The following RPS6KA2 variants were observed in gnomAD, a reference collection of about 807,000 sequenced individuals.
RPS6KA2 encodes ribosomal protein S6 kinase A2.
A neutral mutation model predicts 91.8 loss-of-function variants in RPS6KA2; 42 were observed. The ratio of observed to expected loss-of-function variants is 0.46; its 90% CI spans 0.36 to 0.59. The LOEUF (loss-of-function observed/expected upper bound fraction) is 0.59, where lower values mean the gene tolerates loss of function less well. Ranked by LOEUF, RPS6KA2 falls within the 20% of genes least tolerant of loss-of-function variation. RPS6KA2 has a pLI of 0.00. For missense variants in RPS6KA2, 798 were observed against 978.5 expected (o/e 0.82, Z 2.46); for synonymous variants, 414 against 393.6 (o/e 1.05, Z -0.61).
Position 166,627,207 on chromosome 6 carries a change from G to T in RPS6KA2, c.-188C>A. ...GGCCGCGCCGGCCACCGCGGCCGGG[G>T]CCACAATCGCTCCCTCCGCCTCCTT... is the stretch of plus-strand genomic sequence containing the variant. On this transcript the variant is annotated 5_prime_UTR_variant, in exon 1 of 21. Coordinates refer to ENST00000265678, the MANE Select transcript of RPS6KA2 (RefSeq NM_021135.6). The T allele has an allele frequency of 9.6e-7, 1 of 1,037,178 alleles. No homozygotes were observed. Among genetic ancestry groups the T allele is most frequent in the Non-Finnish European group, 1.2e-6 (1 of 864,896 alleles). The allele number at this position is 1,037,178 out of a possible 1,614,324, so 64.2% of individuals were successfully genotyped here.
At position 166,429,088 on chromosome 6, in the gene RPS6KA2, A is replaced by G. The variant is rs936819052; in HGVS notation, c.1581+1365T>C. 8.1e-4 allele frequency among the ~76,000 whole-genome samples: 123 copies of G among 152,194 alleles called. 1 individual carries two copies. The highest frequency in any genetic ancestry group is 2.8e-3 in the African/African-American group (116 of 41,558). The stretch of plus-strand genomic sequence containing the variant: ...TAAGAAAATGTGGCACATGTACACC[A>G]TGGAATACTATGCAGCCATAAAAAA... On this transcript the variant is annotated intron_variant, in intron 16 of 20. Coordinates refer to ENST00000265678, the MANE Select transcript of RPS6KA2 (RefSeq NM_021135.6).
In RPS6KA2 at chr6:166,412,606, C is replaced by G; in HGVS notation, c.*156G>C. The G allele has an allele frequency of 1.4e-6, 1 of 728,292 alleles. No individual in the cohort carries two copies. The highest frequency in any genetic ancestry group is 2.9e-5 in the East Asian group (1 of 34,150). The allele number at this position is 728,292 out of a possible 1,614,324, so 45.1% of individuals were successfully genotyped here. A position where few individuals can be genotyped will look rare whatever the true frequency, so the allele number is the denominator to read the frequency against. On this transcript the variant is annotated 3_prime_UTR_variant, in exon 21 of 21. Coordinates refer to ENST00000265678, the MANE Select transcript of RPS6KA2 (RefSeq NM_021135.6). This position sits in a 1 kb window ranked among gnomAD's most constrained non-coding sequence, Gnocchi z 4.3. ...GGAGAAGCCCCCAGGTCAGGACCCT[C>G]TCCGGGGCTGAAAAAGAAAACACGG...
rs1784408191 is a variant in RPS6KA2, at chr6:166,563,596, G to T, written c.100-24812C>A. On this transcript the variant is annotated intron_variant, in intron 1 of 20. Transcript: ENST00000265678. This position sits in a 1 kb window ranked among gnomAD's most constrained non-coding sequence, Gnocchi z 4.1. ...ACCCGCCCTCTCCCCTCCACACAGG[G>T]TAGCCCCCAACTCCAGCCAGAGGGA... Among the ~76,000 whole-genome samples the T allele has an allele frequency of 6.6e-6, 1 of 151,994 alleles. No individual in the cohort carries two copies. The highest frequency in any genetic ancestry group is 2.1e-4 in the South Asian group (1 of 4,812).
At chr6:166,573,693 G>A (rs916964809) in intron 1 of RPS6KA2, among the ~76,000 whole-genome samples, 6 of 152,230 alleles carry the variant, frequency 3.9e-5, no homozygotes, top group Admixed American at 2.0e-4. Flanking sequence ...GGTCGTGACC[G>A]TAAACACCGA....
chr6:166,714,968 C>T (rs1387512549), intron 2 of RPS6KA2, among the ~76,000 whole-genome samples: 1 of 152,256 alleles, frequency 6.6e-6, no homozygotes, highest in Admixed American at 6.5e-5. Context: ...GGCACCCTCC[C>T]TTCCCGTCCG....
chr6:166,489,384 C>T (rs922855248), intron 9 of RPS6KA2, among the ~76,000 whole-genome samples: 3 of 152,150 alleles, frequency 2.0e-5, no homozygotes, highest in East Asian at 1.9e-4. Context: ...ACCCTGTGCT[C>T]GGTCTGTTGC....
chr6:166,768,349 A>T (rs1778375616), intron 2 of RPS6KA2, among the ~76,000 whole-genome samples: 1 of 152,220 alleles, frequency 6.6e-6, no homozygotes, highest in African/African-American at 2.4e-5. Context: ...AAGAGGACAT[A>T]CAATTAGCTG....
At position 166,508,277 on chromosome 6, in the gene RPS6KA2, GA is replaced by G; in HGVS notation, c.384del (p.Gln129ArgfsTer8). On this transcript the variant is annotated frameshift_variant, in exon 5 of 21. Transcript: ENST00000265678. LOFTEE classifies it high-confidence loss of function. The surrounding 1 kb of genome is among the most constrained non-coding windows in gnomAD (Gnocchi z 4.3). ...ATCAGGTAGAGCTTTCCTTCCGTCT[GA>G]AAGGCTGTGGGGGACAGAGACCCGC... is the stretch of plus-strand genomic sequence containing the variant. ...HPFIVKLHYA[F>X]QTEGKLYLIL... 1 of 1,610,978 alleles carries G rather than the reference GA, an allele frequency of 6.2e-7. No homozygotes were observed. The highest frequency in any genetic ancestry group is 8.5e-7 in the Non-Finnish European group (1 of 1,177,166).
intron 2 of RPS6KA2, among the ~76,000 whole-genome samples, chr6:166,703,877 A>C (rs578107200): frequency 6.6e-6 from 1 of 152,366 alleles, no homozygotes; most frequent in African/African-American, 2.4e-5. Flanking sequence ...AATGGAAAAA[A>C]TTATAGAAAT....
chr6:166,712,043 C>A (rs1214915618), intron 2 of RPS6KA2, among the ~76,000 whole-genome samples: 1 of 152,236 alleles, frequency 6.6e-6, no homozygotes, highest in Non-Finnish European at 1.5e-5. Flanking sequence ...CACCTCTATA[C>A]ACATGGATTT....
chr6:166,717,455 C>G (rs1197902239), intron 2 of RPS6KA2, among the ~76,000 whole-genome samples: 1 of 152,174 alleles, frequency 6.6e-6, no homozygotes, highest in East Asian at 1.9e-4. Flanking sequence ...TCTGCTCTGC[C>G]ACCCTGAGAA....
intron 2 of RPS6KA2, among the ~76,000 whole-genome samples, chr6:166,667,439 A>G (rs190389487): frequency 6.6e-5 from 10 of 152,350 alleles, no homozygotes; most frequent in Non-Finnish European, 1.5e-4. Flanking sequence ...TTTTGTTTTA[A>G]CATGCTTGAA....
intron 19 of RPS6KA2, among the ~76,000 whole-genome samples, chr6:166,414,566 G>A (rs1778433751): frequency 6.6e-6 from 1 of 152,240 alleles, no homozygotes; most frequent in South Asian, 2.1e-4. Flanking sequence ...TGGTTACAGT[G>A]TGAATTACAT....
At chr6:166,595,271 C>T (rs1439009591) in intron 1 of RPS6KA2, among the ~76,000 whole-genome samples, 4 of 152,154 alleles carry the variant, frequency 2.6e-5, no homozygotes, top group African/African-American at 7.2e-5. Context: ...ACGCTGGTCT[C>T]GAACTCCTGA....
At chr6:166,501,036 A>C (rs1782009130) in intron 6 of RPS6KA2, 112 bp from the exon 7 acceptor site, 1 of 932,980 alleles carries the variant, frequency 1.1e-6, no homozygotes, top group Non-Finnish European at 1.7e-6. Flanking sequence ...GTTTTCAGGG[A>C]GCCCTGATGG....
At chr6:166,595,303 C>T (rs1045172681) in intron 1 of RPS6KA2, among the ~76,000 whole-genome samples, 5 of 152,182 alleles carry the variant, frequency 3.3e-5, no homozygotes, top group East Asian at 1.9e-4. Flanking sequence ...CTGCCTGCCT[C>T]GGCCTCCCAA....
In RPS6KA2 at chr6:166,821,479, TCTC is replaced by T. The variant is rs931350789; in HGVS notation, c.123+36718_123+36720del. ...ATGTCTTCTTCCAGAAATCCCGGCT[TCTC>T]CTGTAAACGCTGCAGTCAGTCTCCA... On this transcript the variant is annotated intron_variant, in intron 2 of 21. Coordinates refer to the RPS6KA2 transcript ENST00000503859. The surrounding 1 kb of genome is among the most constrained non-coding windows in gnomAD (Gnocchi z 4.1). Among the ~76,000 whole-genome samples the T allele has an allele frequency of 2.0e-5, 3 of 152,102 alleles. No homozygotes were observed. The highest frequency in any genetic ancestry group is 7.2e-5 in the African/African-American group (3 of 41,500).
chr6:166,687,167 G>A (rs1789047957), intron 2 of RPS6KA2, among the ~76,000 whole-genome samples: 2 of 152,198 alleles, frequency 1.3e-5, no homozygotes, highest in South Asian at 4.1e-4. Context: ...TAGCAGCATT[G>A]TGATCATTGC....
In RPS6KA2 at chr6:166,437,241, T is replaced by C. The variant is rs945143871; in HGVS notation, c.1333-4751A>G. Among the ~76,000 whole-genome samples, 2 of 152,102 alleles carry C rather than the reference T, an allele frequency of 1.3e-5. No homozygotes were observed. The highest frequency in any genetic ancestry group is 6.5e-5 in the Admixed American group (1 of 15,270). ...CCCAAGTGCCTGCCAGCGCACTTCTTCTCTATGGGGTCGGTTTCTTGGGGT... is the reference window on the plus strand; with the variant it reads ...CCCAAGTGCCTGCCAGCGCACTTCTCCTCTATGGGGTCGGTTTCTTGGGGT... On this transcript the variant is annotated intron_variant, in intron 14 of 20. Transcript: ENST00000265678. This position sits in a 1 kb window ranked among gnomAD's most constrained non-coding sequence, Gnocchi z 4.3.
Sources: gnomAD v4.1 joint callset for allele counts (sites outside exome capture counted in the v4.1 genomes callset) on GRCh38, gnomAD v4.1.1 for gene constraint, Gnocchi (gnomAD v3.1) non-coding constraint, MANE v1.5 for transcripts, NCBI Gene and HGNC (gene_info 2026-07-23, HGNC 2026-07-21) for gene names.